Variants in NUBPL observed in about 807,000 individuals in gnomAD.
NUBPL encodes the protein iron-sulfur cluster transfer protein NUBPL.
A neutral mutation model predicts 45.7 loss-of-function variants in NUBPL; 31 were observed. The ratio of observed to expected loss-of-function variants is 0.68; its 90% CI spans 0.51 to 0.92. The LOEUF (loss-of-function observed/expected upper bound fraction) is 0.92, where lower values mean the gene tolerates loss of function less well. NUBPL is among the 40% of genes least tolerant of loss of function. The pLI is 0.00. For missense variants in NUBPL, 401 were observed against 398.7 expected (o/e 1.01, Z -0.05); for synonymous variants, 144 against 140.9 (o/e 1.02, Z -0.15).
intron 6 of NUBPL, among the ~76,000 whole-genome samples, chr14:31,709,507 T>C (rs1277164631): frequency 2.0e-5 from 3 of 152,222 alleles, no homozygotes; most frequent in Non-Finnish European, 4.4e-5. Flanking sequence ...TGTCATTTAC[T>C]TGACTAAGAT....
At chr14:31,670,114 C>A (rs1029600311) in intron 4 of NUBPL, among the ~76,000 whole-genome samples, 1 of 152,036 alleles carries the variant, frequency 6.6e-6, no homozygotes, top group South Asian at 2.1e-4. Context: ...GTAGGTGTTG[C>A]CTTTTCCCCG....
At chr14:31,666,531 G>T (rs1322578381) in intron 4 of NUBPL, among the ~76,000 whole-genome samples, 1 of 151,978 alleles carries the variant, frequency 6.6e-6, no homozygotes, top group Non-Finnish European at 1.5e-5. Flanking sequence ...CCAAAGTGCT[G>T]GGATTACAGG....
chr14:31,826,759 A>G, intron 8 of NUBPL, 45 bp downstream of exon 8: 3 of 1,514,012 alleles, frequency 2.0e-6, no homozygotes, highest in Non-Finnish European at 2.8e-6. Context: ...AACTCTTCTA[A>G]CTGAAGAAGC....
At chr14:31,813,850 A>G (rs2039864314) in intron 7 of NUBPL, among the ~76,000 whole-genome samples, 1 of 152,132 alleles carries the variant, frequency 6.6e-6, no homozygotes, top group Non-Finnish European at 1.5e-5. Flanking sequence ...CCATGTCCCT[A>G]CAAAGAACAT....
chr14:31,805,931 C>T (rs1212929784), intron 7 of NUBPL, among the ~76,000 whole-genome samples: 3 of 151,948 alleles, frequency 2.0e-5, no homozygotes, highest in Non-Finnish European at 4.4e-5. Flanking sequence ...TTTTGGGGGG[C>T]ATTTCCTTCA....
chr14:31,573,613 A>G (rs1448758295), intron 3 of NUBPL, among the ~76,000 whole-genome samples: 4 of 152,108 alleles, frequency 2.6e-5, no homozygotes, highest in African/African-American at 4.8e-5. Flanking sequence ...TCCCAAATCA[A>G]TTACCTGTTC....
rs181859012 is a variant in NUBPL at position 31,565,131 on chromosome 14, C to T, written c.291+83C>T. The T allele has an allele frequency of 1.6e-5, 13 of 803,338 alleles. No homozygotes were observed. The East Asian group carries it at 3.0e-4, about 18-fold the overall frequency. 49.8% of individuals were successfully genotyped at this position (803,338 alleles called of 1,614,324 possible). A position where few individuals can be genotyped will look rare whatever the true frequency, so the allele number is the denominator to read the frequency against. Reference sequence around the variant, plus strand: ...AGAGCATATTGGTGTTTTTTATTTACTCTGTCAGAAGCTATAGTGTAGTTG... The same window carrying T: ...AGAGCATATTGGTGTTTTTTATTTATTCTGTCAGAAGCTATAGTGTAGTTG... On this transcript the variant is annotated intron_variant, in intron 3 of 10. Coordinates refer to ENST00000281081, the MANE Select transcript of NUBPL (RefSeq NM_025152.3).
chr14:31,678,632 G>T (rs1229488340), intron 6 of NUBPL, among the ~76,000 whole-genome samples: 1 of 152,174 alleles, frequency 6.6e-6, no homozygotes, highest in Non-Finnish European at 1.5e-5. Flanking sequence ...TCTGTGCCCT[G>T]TCCTACTGTG....
chr14:31,760,625 C>T (rs950791746), intron 6 of NUBPL, among the ~76,000 whole-genome samples: 1 of 152,144 alleles, frequency 6.6e-6, no homozygotes, highest in Non-Finnish European at 1.5e-5. Flanking sequence ...CTAGATTCAT[C>T]CACGCTGTCA....
At chr14:31,792,779 CTA>C (rs2039406562) in intron 7 of NUBPL, among the ~76,000 whole-genome samples, 1 of 152,124 alleles carries the variant, frequency 6.6e-6, no homozygotes, top group African/African-American at 2.4e-5. Flanking sequence ...GTGATTGTGT[CTA>C]TGTGTGTGTT....
At position 31,561,507 on chromosome 14, in the gene NUBPL, C is replaced by T. The variant is rs768928635; in HGVS notation, c.68C>T (p.Ala23Val). The T allele has an allele frequency of 1.4e-6, 2 of 1,391,102 alleles. No individual in the cohort carries two copies. The highest frequency in any genetic ancestry group is 9.4e-7 in the Non-Finnish European group (1 of 1,065,440). 86.2% of individuals were successfully genotyped at this position (1,391,102 alleles called of 1,614,324 possible). A position where few individuals can be genotyped will look rare whatever the true frequency, so the allele number is the denominator to read the frequency against. The change falls in exon 1 of 11, where the codon GCC (alanine) becomes GTC (valine). Residue 23 changes from alanine to valine, a missense_variant. Physicochemically the swap from Ala to Val is moderately conservative, Grantham distance 64. Transcript: ENST00000281081. ...VSLRAGGGAT[A>V]PLGGSRAMVC... ...CTCCGGGCTGGTGGCGGGGCCACTG[C>T]CCCGCTTGGGGGAAGCCGAGCGATG...
intron 8 of NUBPL, among the ~76,000 whole-genome samples, chr14:31,835,947 G>A (rs746691963): frequency 6.6e-6 from 1 of 152,072 alleles, no homozygotes; most frequent in Non-Finnish European, 1.5e-5. Flanking sequence ...GCTTGTAACA[G>A]GTTCCAACCA....
intron 6 of NUBPL, among the ~76,000 whole-genome samples, chr14:31,713,888 T>C (rs2037630398): frequency 6.6e-6 from 1 of 152,212 alleles, no homozygotes; most frequent in Non-Finnish European, 1.5e-5. Context: ...TCCTTAAAAA[T>C]GTATCTGTAT....
At chr14:31,638,793 C>G (rs10138511) in intron 4 of NUBPL, among the ~76,000 whole-genome samples, 139,959 of 152,050 alleles carry the variant, frequency 0.92, 64,465 homozygotes, top group East Asian at 1. Flanking sequence ...CGTTTCTATT[C>G]TTTTTTCTCT....
chr14:31,821,783 C>G (rs553271339), intron 7 of NUBPL, among the ~76,000 whole-genome samples: 1 of 152,296 alleles, frequency 6.6e-6, no homozygotes, highest in South Asian at 2.1e-4. Context: ...TGAAAGCAAC[C>G]TAAGTGTCCA....
chr14:31,822,067 G>A (rs2040026674), intron 7 of NUBPL, among the ~76,000 whole-genome samples: 1 of 152,048 alleles, frequency 6.6e-6, no homozygotes, highest in Non-Finnish European at 1.5e-5. Flanking sequence ...AGATGGCAGT[G>A]GCTAATGGGT....
rs1480373205 is a variant in NUBPL at position 31,594,866 on chromosome 14, A to C, written c.292-4423A>C. Among the ~76,000 whole-genome samples the C allele has an allele frequency of 3.3e-5, 5 of 152,210 alleles. No individual in the cohort carries two copies. In the East Asian group the frequency reaches 9.6e-4, roughly 29 times the overall value. On this transcript the variant is annotated intron_variant, in intron 3 of 10. Transcript: ENST00000281081. The stretch of plus-strand genomic sequence containing the variant: ...AACTGCCAGTCCGAGATTAAACTGA[A>C]TATAATATACAGGGAATCATGGGAG...
intron 8 of NUBPL, among the ~76,000 whole-genome samples, chr14:31,833,851 T>TA (rs1306036445): frequency 6.6e-6 from 1 of 152,182 alleles, no homozygotes; most frequent in East Asian, 1.9e-4. Context: ...TTCTATTAGC[T>TA]AAAATCAGTC....
chr14:31,703,976 C>T (rs1164379157), intron 6 of NUBPL, among the ~76,000 whole-genome samples: 1 of 152,206 alleles, frequency 6.6e-6, no homozygotes, highest in Non-Finnish European at 1.5e-5. Flanking sequence ...GACATTCCTA[C>T]TGGGTCGGCG....
Sources: allele counts gnomAD v4.1 joint callset (sites outside exome capture counted in the v4.1 genomes callset), GRCh38; gene constraint gnomAD v4.1.1; transcripts MANE v1.5; gene names NCBI Gene and HGNC (gene_info 2026-07-23, HGNC 2026-07-21).